The following ATXN7L1 variants were observed in gnomAD, a reference collection of about 807,000 sequenced individuals.
ATXN7L1 encodes ataxin-7-like protein 1.
ATXN7L1 carries 15 observed loss-of-function variants against 70.8 expected under a neutral mutation model. That is an observed-to-expected ratio of 0.21 (90% CI 0.14 to 0.33). The LOEUF (loss-of-function observed/expected upper bound fraction) is 0.33. Ranked by LOEUF, ATXN7L1 falls within the 10% of genes least tolerant of loss-of-function variation. The pLI is 1.00. For synonymous variants in ATXN7L1, 440 were observed against 445.1 expected, an observed-to-expected ratio of 0.99 and a Z score of 0.14; for missense variants, 975 against 1,097.1, an observed-to-expected ratio of 0.89 and a Z score of 1.57.
chr7:105,703,330 T>C (rs34803070), intron 3 of ATXN7L1, among the ~76,000 whole-genome samples: 10,044 of 148,746 alleles, frequency 0.068, 400 homozygotes, highest in South Asian at 0.12. Flanking sequence ...AGCACTTAAG[T>C]ATAACTTGTA....
At chr7:105,763,081 T>TGG (rs1412026339) in intron 3 of ATXN7L1, among the ~76,000 whole-genome samples, 2 of 152,236 alleles carry the variant, frequency 1.3e-5, no homozygotes, top group South Asian at 4.1e-4. Context: ...CCCAGATCCC[T>TGG]GGCCCACAGA....
chr7:105,692,073 T>A (rs1190870994), intron 3 of ATXN7L1, among the ~76,000 whole-genome samples: 1 of 152,116 alleles, frequency 6.6e-6, no homozygotes, highest in African/African-American at 2.4e-5. Context: ...GATTACCACC[T>A]TGAAGGAAAT....
At chr7:105,706,770 C>T (rs907159204) in intron 3 of ATXN7L1, among the ~76,000 whole-genome samples, 136 of 152,290 alleles carry the variant, frequency 8.9e-4, no homozygotes, top group African/African-American at 3.2e-3. Flanking sequence ...AGCTATAGCT[C>T]GATCCAACTG....
At chr7:105,727,960 C>G (rs1796109717) in intron 3 of ATXN7L1, among the ~76,000 whole-genome samples, 1 of 151,080 alleles carries the variant, frequency 6.6e-6, no homozygotes, top group African/African-American at 2.4e-5. Flanking sequence ...TTAAGAAGGA[C>G]TTTATCTTGT....
intron 3 of ATXN7L1, among the ~76,000 whole-genome samples, chr7:105,742,386 T>C (rs1341384930): frequency 6.6e-6 from 1 of 152,234 alleles, no homozygotes; most frequent in Non-Finnish European, 1.5e-5. Context: ...CAATAACCCT[T>C]ACCTCAAGCT....
intron 3 of ATXN7L1, among the ~76,000 whole-genome samples, chr7:105,751,810 C>A (rs1439795086): frequency 6.6e-6 from 1 of 152,220 alleles, no homozygotes; most frequent in Non-Finnish European, 1.5e-5. Flanking sequence ...CCTCAGGTGT[C>A]CCCCTGGGGA....
chr7:105,719,990 T>C (rs1794999961), intron 3 of ATXN7L1, among the ~76,000 whole-genome samples: 2 of 152,172 alleles, frequency 1.3e-5, no homozygotes. Context: ...GATCATATAA[T>C]CCTTTAAACG....
chr7:105,866,101 C>T (rs759791682), intron 2 of ATXN7L1, among the ~76,000 whole-genome samples: 6 of 152,140 alleles, frequency 3.9e-5, no homozygotes, highest in Non-Finnish European at 8.8e-5. Context: ...GTGTCCCCAC[C>T]CCACCCCAGG....
intron 3 of ATXN7L1, among the ~76,000 whole-genome samples, chr7:105,720,674 T>C (rs900352030): frequency 1.3e-5 from 2 of 152,104 alleles, no homozygotes; most frequent in African/African-American, 4.8e-5. Context: ...TCTCAATATG[T>C]TGCCCAGGCT....
At chr7:105,644,849 A>G (rs1239534073) in intron 4 of ATXN7L1, among the ~76,000 whole-genome samples, 1 of 152,254 alleles carries the variant, frequency 6.6e-6, no homozygotes, top group African/African-American at 2.4e-5. Flanking sequence ...GTTATTCACA[A>G]TAGCCAAAGG....
intron 3 of ATXN7L1, among the ~76,000 whole-genome samples, chr7:105,771,841 T>G (rs954264825): frequency 6.6e-6 from 1 of 151,984 alleles, no homozygotes; most frequent in Non-Finnish European, 1.5e-5. Context: ...ATTTTAGAAA[T>G]AAAATCTATT....
intron 3 of ATXN7L1, among the ~76,000 whole-genome samples, chr7:105,673,451 T>G (rs1254338425): frequency 6.6e-6 from 1 of 152,054 alleles, no homozygotes; most frequent in Non-Finnish European, 1.5e-5. Context: ...GTAAGCACAC[T>G]TGGGCTTAGG....
At chr7:105,703,082 C>T (rs1008991586) in intron 3 of ATXN7L1, among the ~76,000 whole-genome samples, 1 of 152,116 alleles carries the variant, frequency 6.6e-6, no homozygotes, top group African/African-American at 2.4e-5. Context: ...TGCCACTGCA[C>T]TCCAGCCTGG....
chr7:105,729,753 T>C (rs1204171973), intron 3 of ATXN7L1, among the ~76,000 whole-genome samples: 33 of 134,328 alleles, frequency 2.5e-4, no homozygotes, highest in Non-Finnish European at 4.9e-4. Flanking sequence ...TTTTTTTTTT[T>C]CTGAGATGGA....
chr7:105,793,609 A>G (rs976680177), intron 2 of ATXN7L1, among the ~76,000 whole-genome samples: 1 of 152,192 alleles, frequency 6.6e-6, no homozygotes, highest in South Asian at 2.1e-4. Flanking sequence ...AGGCATCTCT[A>G]GGCTGTGGCT....
chr7:105,631,830 G>T (rs771749317), intron 7 of ATXN7L1, among the ~76,000 whole-genome samples: 5 of 152,234 alleles, frequency 3.3e-5, no homozygotes, highest in Non-Finnish European at 5.9e-5. Context: ...GAACTGGAGA[G>T]ATTCTAGACA....
chr7:105,824,323 T>C (rs891613761), intron 2 of ATXN7L1, among the ~76,000 whole-genome samples: 1 of 151,964 alleles, frequency 6.6e-6, no homozygotes, highest in African/African-American at 2.4e-5. Context: ...TAAATATGAA[T>C]GGCCAAGAAT....
intron 3 of ATXN7L1, among the ~76,000 whole-genome samples, chr7:105,721,863 T>C (rs1250079701): frequency 6.6e-6 from 1 of 152,194 alleles, no homozygotes; most frequent in Non-Finnish European, 1.5e-5. Flanking sequence ...CAAACTCCTT[T>C]GAGAAATTTT....
intron 3 of ATXN7L1, among the ~76,000 whole-genome samples, chr7:105,739,554 G>C (rs1797783117): frequency 6.6e-6 from 1 of 152,078 alleles, no homozygotes. Flanking sequence ...CTAGAAACTG[G>C]TGGAGTGAAA....
Sources: allele counts gnomAD v4.1 joint callset (sites outside exome capture counted in the v4.1 genomes callset), GRCh38; gene constraint gnomAD v4.1.1; transcripts MANE v1.5; gene names NCBI Gene and HGNC (gene_info 2026-07-23, HGNC 2026-07-21).